KCNB2: variants seen among roughly 807,000 people sequenced by gnomAD.
KCNB2 encodes potassium voltage-gated channel subfamily B member 2.
In KCNB2, 15 loss-of-function variants were observed where a neutral mutation model predicts 61.5. The observed-to-expected ratio is 0.24, with a 90% CI of 0.16 to 0.38. The LOEUF is 0.38. Among genes scored for constraint, KCNB2 ranks in the 10% least tolerant of loss-of-function variants. KCNB2 has a pLI of 1.00. For missense variants in KCNB2, 828 were observed against 1,125.2 expected, an observed-to-expected ratio of 0.74 and a Z score of 3.78; for synonymous variants, 457 against 446.0, an observed-to-expected ratio of 1.02 and a Z score of -0.31.
At chr8:72,695,702 G>A (rs1265273253) in intron 2 of KCNB2, among the ~76,000 whole-genome samples, 1 of 151,500 alleles carries the variant, frequency 6.6e-6, no homozygotes, top group Non-Finnish European at 1.5e-5. Context: ...TTTTTTTCTG[G>A]CATGATTTTT....
chr8:72,704,161 C>G (rs547493389), intron 2 of KCNB2, among the ~76,000 whole-genome samples: 1 of 152,264 alleles, frequency 6.6e-6, no homozygotes, highest in South Asian at 2.1e-4. Flanking sequence ...ATTATTTTAT[C>G]AGTCATTTAG....
At chr8:72,555,613 G>T (rs1190828527) in intron 1 of KCNB2, among the ~76,000 whole-genome samples, 1 of 150,544 alleles carries the variant, frequency 6.6e-6, no homozygotes, top group Non-Finnish European at 1.5e-5. Context: ...AAAAAAAAAT[G>T]AAAAAAACCC....
intron 2 of KCNB2, among the ~76,000 whole-genome samples, chr8:72,867,249 C>T (rs1805535688): frequency 6.6e-6 from 1 of 152,182 alleles, no homozygotes; most frequent in African/African-American, 2.4e-5. Context: ...AAGCATATGG[C>T]TTGATATGAG....
At chr8:72,557,309 A>G (rs1376539051) in intron 1 of KCNB2, among the ~76,000 whole-genome samples, 2 of 152,184 alleles carry the variant, frequency 1.3e-5, no homozygotes, top group South Asian at 2.1e-4. Context: ...AATACATTCT[A>G]TTATTCGGAA....
intron 2 of KCNB2, among the ~76,000 whole-genome samples, chr8:72,730,451 G>C (rs919413711): frequency 5.3e-5 from 8 of 152,168 alleles, no homozygotes; most frequent in African/African-American, 1.9e-4. Context: ...CTTAATGATT[G>C]ATTAATTATA....
intron 2 of KCNB2, among the ~76,000 whole-genome samples, chr8:72,731,599 C>T (rs1237008545): frequency 6.6e-6 from 1 of 152,204 alleles, no homozygotes; most frequent in Non-Finnish European, 1.5e-5. Flanking sequence ...CAGTGTGGCG[C>T]TTAGTCACAA....
chr8:72,921,743 C>T (rs1291308848), intron 2 of KCNB2, among the ~76,000 whole-genome samples: 3 of 152,160 alleles, frequency 2.0e-5, no homozygotes, highest in East Asian at 1.9e-4. Flanking sequence ...TCCTGGGCTG[C>T]GGTTTAGAAT....
chr8:72,891,403 T>C (rs1438262125), intron 2 of KCNB2, among the ~76,000 whole-genome samples: 2 of 152,186 alleles, frequency 1.3e-5, no homozygotes, highest in Non-Finnish European at 2.9e-5. Flanking sequence ...TTTACATGCT[T>C]ATGTAGCAAG....
chr8:72,556,564 A>G (rs1174752440), intron 1 of KCNB2, among the ~76,000 whole-genome samples: 1 of 152,172 alleles, frequency 6.6e-6, no homozygotes, highest in Non-Finnish European at 1.5e-5. Context: ...CTAATAATGA[A>G]TAGAAATAAT....
At chr8:72,678,077 T>C (rs1467527582) in intron 2 of KCNB2, among the ~76,000 whole-genome samples, 1 of 152,236 alleles carries the variant, frequency 6.6e-6, no homozygotes, top group Non-Finnish European at 1.5e-5. Flanking sequence ...CTACTCTTCC[T>C]GTTGTGTGAA....
intron 2 of KCNB2, among the ~76,000 whole-genome samples, chr8:72,604,912 A>AT (rs1280779382): frequency 6.6e-6 from 1 of 152,196 alleles, no homozygotes; most frequent in Non-Finnish European, 1.5e-5. Flanking sequence ...GGAGAAAATG[A>AT]TTTTAACATT....
At chr8:72,872,664 AAC>A (rs1424235012) in intron 2 of KCNB2, among the ~76,000 whole-genome samples, 1 of 152,200 alleles carries the variant, frequency 6.6e-6, no homozygotes, top group African/African-American at 2.4e-5. Context: ...CGGAAGAGAG[AAC>A]AGTTTTTCAA....
intron 2 of KCNB2, among the ~76,000 whole-genome samples, chr8:72,925,996 C>T (rs1806638594): frequency 6.6e-6 from 1 of 152,010 alleles, no homozygotes; most frequent in South Asian, 2.1e-4. Context: ...AACTTAGGAA[C>T]AAAAAAACAA....
At chr8:72,678,965 G>A (rs1806708170) in intron 2 of KCNB2, among the ~76,000 whole-genome samples, 1 of 151,742 alleles carries the variant, frequency 6.6e-6, no homozygotes, top group Non-Finnish European at 1.5e-5. Flanking sequence ...TGCCCTTTGA[G>A]GAATCTTTTT....
At chr8:72,603,927 T>A (rs1805405168) in intron 2 of KCNB2, among the ~76,000 whole-genome samples, 1 of 152,160 alleles carries the variant, frequency 6.6e-6, no homozygotes, top group South Asian at 2.1e-4. Flanking sequence ...ATTGTGGTGA[T>A]ACCAGAATAT....
At chr8:72,544,939 G>A (rs1387451974) in intron 1 of KCNB2, among the ~76,000 whole-genome samples, 3 of 152,162 alleles carry the variant, frequency 2.0e-5, no homozygotes, top group Non-Finnish European at 1.5e-5. Context: ...TGATGAGATA[G>A]TCACATTGCT....
At chr8:72,595,162 C>T (rs950766198) in intron 2 of KCNB2, among the ~76,000 whole-genome samples, 3 of 151,948 alleles carry the variant, frequency 2.0e-5, no homozygotes, top group Admixed American at 6.6e-5. Flanking sequence ...TTCCTGTGCA[C>T]CTCCCCACCC....
intron 2 of KCNB2, among the ~76,000 whole-genome samples, chr8:72,753,279 T>C (rs1000824849): frequency 2.0e-5 from 3 of 152,250 alleles, no homozygotes; most frequent in Non-Finnish European, 2.9e-5. Flanking sequence ...TGAGTTTACG[T>C]TGATACCACA....
intron 2 of KCNB2, among the ~76,000 whole-genome samples, chr8:72,887,379 C>G (rs1323492609): frequency 6.6e-6 from 1 of 152,054 alleles, no homozygotes; most frequent in Non-Finnish European, 1.5e-5. Flanking sequence ...GGAACTTTAC[C>G]AAAATGCATA....
Sources: allele counts gnomAD v4.1 joint callset (sites outside exome capture counted in the v4.1 genomes callset), GRCh38; gene constraint gnomAD v4.1.1; transcripts MANE v1.5; gene names NCBI Gene and HGNC (gene_info 2026-07-23, HGNC 2026-07-21).